The following NCALD variants were observed in gnomAD, a reference collection of about 807,000 sequenced individuals.
NCALD encodes the protein neurocalcin delta.
A neutral mutation model predicts 18.6 loss-of-function variants in NCALD; 10 were observed. The observed-to-expected ratio is 0.54, with a 90% confidence interval of 0.33 to 0.91. The LOEUF (loss-of-function observed/expected upper bound fraction) is 0.91. NCALD is among the 40% of genes least tolerant of loss of function. The pLI, the probability that NCALD is intolerant of heterozygous loss-of-function variation, is 0.03. For missense variants in NCALD, 184 were observed against 247.6 expected, an observed-to-expected ratio of 0.74 and a Z score of 1.72; for synonymous variants, 88 against 87.4, an observed-to-expected ratio of 1.01 and a Z score of -0.04.
At chr8:101,841,345 C>T (rs1235737396) in intron 4 of NCALD, among the ~76,000 whole-genome samples, 1 of 152,192 alleles carries the variant, frequency 6.6e-6, no homozygotes, top group Admixed American at 6.5e-5. Flanking sequence ...CCCTTGCTGT[C>T]CTCCTAATAG....
At chr8:101,865,651 G>A (rs1238082380) in intron 4 of NCALD, among the ~76,000 whole-genome samples, 1 of 150,790 alleles carries the variant, frequency 6.6e-6, no homozygotes, top group Non-Finnish European at 1.5e-5. Context: ...TAGTGTTTGT[G>A]CATATGATAT....
At chr8:101,789,473 C>T (rs1286593796) in intron 1 of NCALD, among the ~76,000 whole-genome samples, 11 of 152,078 alleles carry the variant, frequency 7.2e-5, no homozygotes, top group Admixed American at 1.3e-4. Context: ...TATTGATATA[C>T]CCACAGTTAT....
intron 3 of NCALD, among the ~76,000 whole-genome samples, chr8:101,910,449 A>T (rs911101229): frequency 1.3e-5 from 2 of 152,110 alleles, no homozygotes; most frequent in African/African-American, 2.4e-5. Context: ...TACCAAATAA[A>T]GAGAAATAAC....
intron 3 of NCALD, among the ~76,000 whole-genome samples, chr8:101,890,898 G>T (rs1335248448): frequency 6.6e-6 from 1 of 152,122 alleles, no homozygotes; most frequent in Non-Finnish European, 1.5e-5. Context: ...TAACACAAAT[G>T]TCCATCAACA....
chr8:102,029,481 G>C (rs773045885), intron 1 of NCALD, among the ~76,000 whole-genome samples: 10 of 152,200 alleles, frequency 6.6e-5, no homozygotes, highest in Non-Finnish European at 8.8e-5. Context: ...AATGCTATAA[G>C]CCAAAAGAAA....
chr8:102,045,061 A>G (rs1586972510), intron 1 of NCALD, among the ~76,000 whole-genome samples: 1 of 152,334 alleles, frequency 6.6e-6, no homozygotes, highest in African/African-American at 2.4e-5. Flanking sequence ...GCTCAACATC[A>G]CCCTCAAACC....
chr8:101,835,475 G>A (rs1814374154), intron 4 of NCALD, among the ~76,000 whole-genome samples: 1 of 152,216 alleles, frequency 6.6e-6, no homozygotes, highest in African/African-American at 2.4e-5. Context: ...ACAATGCACA[G>A]GACAAGTCCT....
intron 2 of NCALD, among the ~76,000 whole-genome samples, chr8:102,015,934 A>G (rs1455176969): frequency 6.6e-6 from 1 of 152,180 alleles, no homozygotes; most frequent in Non-Finnish European, 1.5e-5. Flanking sequence ...ATGAACACTC[A>G]TTAAAAAGAA....
At chr8:101,900,507 T>A (rs1234687023) in intron 3 of NCALD, among the ~76,000 whole-genome samples, 1 of 152,014 alleles carries the variant, frequency 6.6e-6, no homozygotes, top group East Asian at 1.9e-4. Context: ...TAAATTTTCC[T>A]CTCAGAACTG....
intron 2 of NCALD, among the ~76,000 whole-genome samples, chr8:101,958,659 C>T (rs1203473465): frequency 6.6e-6 from 1 of 152,110 alleles, no homozygotes; most frequent in Non-Finnish European, 1.5e-5. Context: ...TATCCCTCAA[C>T]TGCTCTAGCA....
chr8:101,751,214 T>A (rs905490280), intron 1 of NCALD, among the ~76,000 whole-genome samples: 5 of 152,208 alleles, frequency 3.3e-5, no homozygotes, highest in Admixed American at 1.3e-4. Flanking sequence ...GAAGATATTA[T>A]GCTACATGAA....
intron 3 of NCALD, among the ~76,000 whole-genome samples, chr8:101,897,867 G>C (rs1042031722): frequency 6.6e-6 from 1 of 152,086 alleles, no homozygotes; most frequent in African/African-American, 2.4e-5. Flanking sequence ...ATCTCATCTT[G>C]AATTGTAGTT....
At chr8:101,868,390 T>C (rs1419185811) in intron 4 of NCALD, among the ~76,000 whole-genome samples, 9 of 151,922 alleles carry the variant, frequency 5.9e-5, no homozygotes, top group Non-Finnish European at 1.2e-4. Flanking sequence ...GAGAATAGGG[T>C]CGGAAGGCAG....
At chr8:101,908,382 A>G (rs1817680856) in intron 3 of NCALD, among the ~76,000 whole-genome samples, 1 of 152,008 alleles carries the variant, frequency 6.6e-6, no homozygotes, top group African/African-American at 2.4e-5. Context: ...CAAACCCAGC[A>G]TTTTCAAGGC....
chr8:101,944,545 G>C (rs745859780), intron 2 of NCALD, among the ~76,000 whole-genome samples: 1 of 152,174 alleles, frequency 6.6e-6, no homozygotes, highest in Non-Finnish European at 1.5e-5. Context: ...GCACATGCTG[G>C]CTTTTCTCCT....
intron 2 of NCALD, among the ~76,000 whole-genome samples, chr8:101,707,808 C>T (rs61242239): frequency 9.2e-5 from 14 of 151,924 alleles, no homozygotes; most frequent in East Asian, 3.9e-4. Flanking sequence ...ACGGAGGTTG[C>T]GGTGAGCTGT....
At chr8:101,913,227 T>C (rs1224371627) in intron 3 of NCALD, among the ~76,000 whole-genome samples, 1 of 152,228 alleles carries the variant, frequency 6.6e-6, no homozygotes, top group Non-Finnish European at 1.5e-5. Context: ...GGCAATTTGT[T>C]ATGTAGCAAT....
At chr8:101,777,521 TG>T (rs1642658552) in intron 1 of NCALD, among the ~76,000 whole-genome samples, 1 of 152,186 alleles carries the variant, frequency 6.6e-6, no homozygotes, top group Admixed American at 6.5e-5. Context: ...ATTTTCACTT[TG>T]TTCTCCTTGT....
At chr8:102,082,219 G>GCT (rs1409597397) in intron 1 of NCALD, among the ~76,000 whole-genome samples, 61 of 132,234 alleles carry the variant, frequency 4.6e-4, no homozygotes, top group Admixed American at 5.2e-4. Flanking sequence ...TATTTGAGAA[G>GCT]CTCTCTCTTT....
Sources: gnomAD v4.1 joint callset for allele counts (sites outside exome capture counted in the v4.1 genomes callset) on GRCh38, gnomAD v4.1.1 for gene constraint, MANE v1.5 for transcripts, NCBI Gene and HGNC (gene_info 2026-07-23, HGNC 2026-07-21) for gene names.